ARK2C: variants seen among roughly 807,000 people sequenced by gnomAD.
ARK2C encodes E3 ubiquitin-protein ligase ARK2C.
chr18:46,345,375 T>G, the ARK2C span, among the ~76,000 whole-genome samples: 1 of 152,030 alleles, frequency 6.6e-6, no homozygotes, highest in South Asian at 2.1e-4. Context: ...GATGACAACC[T>G]GAGATGGCAC....
At chr18:46,416,524 C>T in the ARK2C span, among the ~76,000 whole-genome samples, 2 of 152,140 alleles carry the variant, frequency 1.3e-5, no homozygotes, top group Non-Finnish European at 2.9e-5. Flanking sequence ...AAATTGAGTC[C>T]CCACCTCAAT....
the ARK2C span, among the ~76,000 whole-genome samples, chr18:46,404,293 G>A: frequency 7.9e-5 from 12 of 152,148 alleles, no homozygotes; most frequent in African/African-American, 2.4e-4. Context: ...TGGATGGCTC[G>A]CTTCCTCTCT....
At chr18:46,392,575 G>C in the ARK2C span, among the ~76,000 whole-genome samples, 1 of 152,222 alleles carries the variant, frequency 6.6e-6, no homozygotes, top group South Asian at 2.1e-4. Context: ...CGGCTCAGAG[G>C]AGAGGCTCTG....
chr18:46,449,603 AT>A, the ARK2C span, among the ~76,000 whole-genome samples: 1 of 152,072 alleles, frequency 6.6e-6, no homozygotes, highest in African/African-American at 2.4e-5. Flanking sequence ...TAATTGAATC[AT>A]GTGGGGGCAG....
At chr18:46,420,660 C>T in the ARK2C span, among the ~76,000 whole-genome samples, 2 of 152,238 alleles carry the variant, frequency 1.3e-5, no homozygotes, top group South Asian at 4.2e-4. Context: ...GCCTGGCCAA[C>T]ATGGTGAAAC....
At chr18:46,451,666 A>G in the ARK2C span, among the ~76,000 whole-genome samples, 3 of 152,240 alleles carry the variant, frequency 2.0e-5, no homozygotes, top group East Asian at 5.8e-4. Flanking sequence ...TAAAAAGTTC[A>G]TGGTGGTATG....
At chr18:46,388,590 C>A in the ARK2C span, among the ~76,000 whole-genome samples, 1 of 152,070 alleles carries the variant, frequency 6.6e-6, no homozygotes, top group Non-Finnish European at 1.5e-5. Flanking sequence ...ACCAAGCTGC[C>A]CTCAATTGGG....
At chr18:46,450,278 G>C in the ARK2C span, 1 of 1,557,420 alleles carries the variant, frequency 6.4e-7, no homozygotes, top group Non-Finnish European at 8.9e-7. Flanking sequence ...TCTATCCAAG[G>C]CGTTTTCTAC....
chr18:46,414,895 G>A, the ARK2C span, among the ~76,000 whole-genome samples: 1 of 152,306 alleles, frequency 6.6e-6, no homozygotes, highest in African/African-American at 2.4e-5. Flanking sequence ...CTTGTGAATG[G>A]GGAGCGTGCA....
chr18:46,383,850 C>T, the ARK2C span, among the ~76,000 whole-genome samples: 1 of 152,170 alleles, frequency 6.6e-6, no homozygotes, highest in Non-Finnish European at 1.5e-5. Context: ...CGCGCCCGGC[C>T]ACCATGTTGG....
the ARK2C span, among the ~76,000 whole-genome samples, chr18:46,416,743 T>C: frequency 2.6e-5 from 4 of 152,228 alleles, no homozygotes; most frequent in Admixed American, 2.6e-4. Flanking sequence ...AGTTTATTTG[T>C]ATATCACATG....
At chr18:46,342,176 G>A in the ARK2C span, among the ~76,000 whole-genome samples, 1 of 152,204 alleles carries the variant, frequency 6.6e-6, no homozygotes, top group African/African-American at 2.4e-5. Context: ...AGTGGTGAAA[G>A]CCTTTGCCAC....
At chr18:46,443,051 GC>G in the ARK2C span, among the ~76,000 whole-genome samples, 2 of 152,140 alleles carry the variant, frequency 1.3e-5, no homozygotes, top group African/African-American at 4.8e-5. Flanking sequence ...TGAATGGACA[GC>G]ATATACTTGG....
the ARK2C span, chr18:46,463,043 G>A: frequency 1.3e-5 from 2 of 152,232 alleles, no homozygotes; most frequent in South Asian, 2.1e-4. Flanking sequence ...ATGAAAAGGC[G>A]GAGACATTAG....
chr18:46,371,226 G>A, the ARK2C span, among the ~76,000 whole-genome samples: 13 of 152,160 alleles, frequency 8.5e-5, no homozygotes, highest in African/African-American at 1.4e-4. Flanking sequence ...CCCTTGACAC[G>A]TGAGGATTAT....
chr18:46,341,049 G>A, the ARK2C span, among the ~76,000 whole-genome samples: 1 of 152,102 alleles, frequency 6.6e-6, no homozygotes, highest in South Asian at 2.1e-4. Flanking sequence ...GCGGGGCGGA[G>A]GCACATGTGC....
the ARK2C span, among the ~76,000 whole-genome samples, chr18:46,410,662 C>T: frequency 3.3e-5 from 5 of 152,218 alleles, no homozygotes; most frequent in Admixed American, 3.3e-4. Flanking sequence ...GTCCATGGGC[C>T]TGGCTGAAGG....
the ARK2C span, among the ~76,000 whole-genome samples, chr18:46,374,976 TC>T: frequency 6.6e-6 from 1 of 152,170 alleles, no homozygotes; most frequent in African/African-American, 2.4e-5. Flanking sequence ...CTAAATGTCC[TC>T]TTCAGGTCTT....
At chr18:46,351,334 G>A in the ARK2C span, among the ~76,000 whole-genome samples, 1 of 152,212 alleles carries the variant, frequency 6.6e-6, no homozygotes, top group Admixed American at 6.5e-5. Flanking sequence ...TGTGAGATGG[G>A]CTGGAGCAGT....
Sources: gnomAD v4.1 joint callset for allele counts (sites outside exome capture counted in the v4.1 genomes callset) on GRCh38, gnomAD v4.1.1 for gene constraint, MANE v1.5 for transcripts, NCBI Gene and HGNC (gene_info 2026-07-23, HGNC 2026-07-21) for gene names.